Variants in PRR33 observed in about 807,000 individuals in gnomAD.
PRR33 encodes the protein proline-rich protein 33.
A neutral mutation model predicts 0.5 loss-of-function variants in PRR33; 1 was observed. That is an observed-to-expected ratio of 2.18 (90% confidence interval 0.77 to 10.34). The LOEUF (loss-of-function observed/expected upper bound fraction) is 10.34, where lower values mean the gene tolerates loss of function less well. Ranked by LOEUF, PRR33 falls within the 30% of genes most tolerant of loss-of-function variation. The pLI, the probability that PRR33 is intolerant of heterozygous loss-of-function variation, is 0.13. For synonymous variants in PRR33, 226 were observed against 110.0 expected (o/e 2.06, Z -6.60); for missense variants, 552 against 251.8 (o/e 2.19, Z -8.07).
At chr11:1,907,075 C>G in the PRR33 span, among the ~76,000 whole-genome samples, 4 of 152,224 alleles carry the variant, frequency 2.6e-5, no homozygotes, top group African/African-American at 9.6e-5. Context: ...TGTGCACGGC[C>G]CACGTGTGGG....
chr11:1,916,453 G>C, the PRR33 span, among the ~76,000 whole-genome samples: 1 of 152,082 alleles, frequency 6.6e-6, no homozygotes, highest in Admixed American at 6.5e-5. Context: ...CAGCCACTGA[G>C]AGAGGATCCA....
chr11:1,892,694 G>A (rs1849049708), upstream of PRR33, among the ~76,000 whole-genome samples: 1 of 151,978 alleles, frequency 6.6e-6, no homozygotes, highest in Admixed American at 6.6e-5. Flanking sequence ...ATGGATAGAT[G>A]AATAGATTAA....
exon 1 of PRR33, chr11:1,889,886 G>A (rs1021099584): frequency 8.0e-6 from 5 of 627,616 alleles, no homozygotes; most frequent in Middle Eastern, 2.5e-4. Flanking sequence ...CCTGGACTGT[G>A]GTGGGCAGTG....
At chr11:1,914,425 C>CTGTG in the PRR33 span, among the ~76,000 whole-genome samples, 2 of 145,392 alleles carry the variant, frequency 1.4e-5, no homozygotes, top group African/African-American at 2.6e-5. Context: ...TGATGTTTCT[C>CTGTG]TGTGTGTGTG....
chr11:1,908,315 C>T, the PRR33 span, among the ~76,000 whole-genome samples: 1 of 148,088 alleles, frequency 6.8e-6, no homozygotes, highest in Non-Finnish European at 1.5e-5. Context: ...TCCCCACCCC[C>T]GCCCACCCCC....
At chr11:1,902,762 G>C in the PRR33 span, 3 of 152,160 alleles carry the variant, frequency 2.0e-5, no homozygotes, top group Non-Finnish European at 4.4e-5. Context: ...AGTTTACTAA[G>C]AAAGTAAAGG....
the PRR33 span, among the ~76,000 whole-genome samples, chr11:1,910,469 C>T: frequency 3.0e-3 from 452 of 152,264 alleles, 4 homozygotes; most frequent in African/African-American, 0.01. Flanking sequence ...AGGCTGGTCT[C>T]GAACTCCTGA....
chr11:1,888,813 A>G, exon 1 of PRR33: 1 of 255,350 alleles, frequency 3.9e-6, no homozygotes. Flanking sequence ...AGCCTGGGCT[A>G]GGTCAGTAGA....
exon 1 of PRR33, chr11:1,890,054 G>T: frequency 1.4e-6 from 1 of 708,060 alleles, no homozygotes; most frequent in Non-Finnish European, 2.6e-6. Context: ...CCTGGGTGAC[G>T]TGGGTGCCCC....
the PRR33 span, among the ~76,000 whole-genome samples, chr11:1,905,833 G>A: frequency 6.6e-6 from 1 of 151,694 alleles, no homozygotes; most frequent in Admixed American, 6.6e-5. Context: ...CTTTCTTTTT[G>A]TGGGGGGGAC....
At chr11:1,892,661 T>G (rs545894318), upstream of PRR33, among the ~76,000 whole-genome samples, 1 of 152,116 alleles carries the variant, frequency 6.6e-6, no homozygotes, top group East Asian at 1.9e-4. Context: ...GGTGGATGGA[T>G]GGATGGGTAG....
chr11:1,910,836 C>T, the PRR33 span, among the ~76,000 whole-genome samples: 1 of 152,234 alleles, frequency 6.6e-6, no homozygotes, highest in African/African-American at 2.4e-5. Context: ...TTTCCCCTTT[C>T]ATGGGTGTGC....
chr11:1,906,745 C>T, the PRR33 span, among the ~76,000 whole-genome samples: 1 of 152,180 alleles, frequency 6.6e-6, no homozygotes, highest in Non-Finnish European at 1.5e-5. Context: ...TTCCTAGGTC[C>T]ATGTGAGCTC....
chr11:1,890,828 C>T (rs1848969206), exon 1 of PRR33: 2 of 566,590 alleles, frequency 3.5e-6, no homozygotes, highest in Non-Finnish European at 3.1e-6. Flanking sequence ...CCGAGTCCCT[C>T]CAGGGATGGG....
upstream of PRR33, among the ~76,000 whole-genome samples, chr11:1,893,295 T>C (rs1432494225): frequency 6.8e-6 from 1 of 148,096 alleles, no homozygotes; most frequent in African/African-American, 2.5e-5. Flanking sequence ...GGTGAGTGGA[T>C]GAATAGGGGA....
chr11:1,895,581 G>C (rs1277984600), upstream of PRR33, among the ~76,000 whole-genome samples: 2 of 152,104 alleles, frequency 1.3e-5, no homozygotes, highest in Non-Finnish European at 2.9e-5. Flanking sequence ...TGTTCTTTTA[G>C]GAATTGTGCT....
chr11:1,912,369 C>T, the PRR33 span, among the ~76,000 whole-genome samples: 14 of 152,110 alleles, frequency 9.2e-5, no homozygotes, highest in East Asian at 2.5e-3. Flanking sequence ...AAGGTTTGAA[C>T]TTCACTTTGA....
At chr11:1,904,470 A>G in the PRR33 span, among the ~76,000 whole-genome samples, 3 of 151,946 alleles carry the variant, frequency 2.0e-5, no homozygotes, top group Non-Finnish European at 2.9e-5. Context: ...CGGAGGTTGC[A>G]GTGAGCAGAG....
the PRR33 span, among the ~76,000 whole-genome samples, chr11:1,898,305 G>A: frequency 6.6e-6 from 1 of 151,536 alleles, no homozygotes; most frequent in Admixed American, 6.6e-5. Flanking sequence ...GCCATGTCTC[G>A]GCTCACTGCA....
Sources: gnomAD v4.1 joint callset for allele counts (sites outside exome capture counted in the v4.1 genomes callset) on GRCh38, gnomAD v4.1.1 for gene constraint, MANE v1.5 for transcripts, NCBI Gene and HGNC (gene_info 2026-07-23, HGNC 2026-07-21) for gene names.